The following MGAT4C variants were observed in gnomAD, a reference collection of about 807,000 sequenced individuals.
MGAT4C encodes alpha-1,3-mannosyl-glycoprotein 4-beta-N-acetylglucosaminyltransferase C.
A neutral mutation model predicts 40.1 loss-of-function variants in MGAT4C; 19 were observed. The ratio of observed to expected loss-of-function variants is 0.47; its 90% CI spans 0.33 to 0.70. The LOEUF is 0.70. Ranked by LOEUF, MGAT4C falls within the 30% of genes least tolerant of loss-of-function variation. The pLI is 0.02. For missense variants in MGAT4C, 491 were observed against 563.2 expected, an observed-to-expected ratio of 0.87 and a Z score of 1.30; for synonymous variants, 181 against 187.1, an observed-to-expected ratio of 0.97 and a Z score of 0.27.
rs1421286097 is a variant in MGAT4C, at chr12:86,756,892, G to GA, written c.-261-29652dup. ...TAAGCAGCAGCTAGGTTTCCAATGGGAAAAAACATTACTTTGCTTCAAATG... is the reference window on the plus strand; with the variant it reads ...TAAGCAGCAGCTAGGTTTCCAATGGGAAAAAAACATTACTTTGCTTCAAATG... On this transcript the variant is annotated intron_variant, in intron 1 of 7. Transcript: ENST00000548651. Among the ~76,000 whole-genome samples, 4 of 152,102 alleles carry GA rather than the reference G, an allele frequency of 2.6e-5. No individual in the cohort carries two copies. In the East Asian group the frequency reaches 5.8e-4, roughly 22 times the overall value.
chr12:86,391,573 T>A (rs1020538215), intron 3 of MGAT4C, among the ~76,000 whole-genome samples: 1 of 152,046 alleles, frequency 6.6e-6, no homozygotes, highest in Non-Finnish European at 1.5e-5. Context: ...AAAGTTGGCA[T>A]TTAGGCCAGG....
At chr12:86,534,180 C>G (rs979874232) in intron 2 of MGAT4C, among the ~76,000 whole-genome samples, 1 of 152,048 alleles carries the variant, frequency 6.6e-6, no homozygotes, top group Non-Finnish European at 1.5e-5. Flanking sequence ...CTGATAAGAA[C>G]TCTGAAGCTT....
intron 2 of MGAT4C, among the ~76,000 whole-genome samples, chr12:86,573,585 T>C (rs901117533): frequency 6.6e-6 from 1 of 151,954 alleles, no homozygotes; most frequent in Non-Finnish European, 1.5e-5. Flanking sequence ...ATCACCACCA[T>C]TACCATTCTA....
At chr12:86,249,002 CTTA>C (rs940907816) in intron 1 of MGAT4C, among the ~76,000 whole-genome samples, 5 of 152,102 alleles carry the variant, frequency 3.3e-5, no homozygotes, top group East Asian at 1.9e-4. Flanking sequence ...TGACACAATG[CTTA>C]TTGTTTTCTT....
At chr12:86,300,394 A>C (rs1236158127) in intron 4 of MGAT4C, among the ~76,000 whole-genome samples, 2 of 152,150 alleles carry the variant, frequency 1.3e-5, no homozygotes, top group Non-Finnish European at 2.9e-5. Flanking sequence ...CTCCATCATC[A>C]CTTAAAGTAA....
intron 2 of MGAT4C, among the ~76,000 whole-genome samples, chr12:86,511,761 A>T (rs1459671223): frequency 6.6e-6 from 1 of 152,172 alleles, no homozygotes; most frequent in Non-Finnish European, 1.5e-5. Flanking sequence ...GATGGATTAG[A>T]TGTAAATAAA....
At chr12:86,575,700 T>C (rs1960532822) in intron 2 of MGAT4C, among the ~76,000 whole-genome samples, 1 of 151,898 alleles carries the variant, frequency 6.6e-6, no homozygotes, top group South Asian at 2.1e-4. Context: ...ATATGCTGAT[T>C]TCCTTTATTT....
intron 2 of MGAT4C, among the ~76,000 whole-genome samples, chr12:86,677,225 C>T (rs1949882805): frequency 6.6e-6 from 1 of 152,066 alleles, no homozygotes; most frequent in African/African-American, 2.4e-5. Context: ...AAAATGTTAC[C>T]TTATTTCATA....
At chr12:86,759,455 C>T (rs944610606) in intron 1 of MGAT4C, among the ~76,000 whole-genome samples, 1 of 152,056 alleles carries the variant, frequency 6.6e-6, no homozygotes, top group African/African-American at 2.4e-5. Context: ...ATCTGAGGAA[C>T]CTCCTTACTG....
intron 3 of MGAT4C, among the ~76,000 whole-genome samples, chr12:86,387,265 T>C (rs543482927): frequency 6.6e-6 from 1 of 152,224 alleles, no homozygotes; most frequent in Admixed American, 6.5e-5. Context: ...AGACAATGAT[T>C]ATGCCACTTC....
At chr12:86,251,565 A>G (rs907725628) in intron 1 of MGAT4C, among the ~76,000 whole-genome samples, 2 of 152,042 alleles carry the variant, frequency 1.3e-5, no homozygotes, top group Non-Finnish European at 2.9e-5. Context: ...CTTCAAATGG[A>G]GAAAAGTTGC....
At position 86,061,474 on chromosome 12, in the gene MGAT4C, G is replaced by GT. The variant is rs71076156; in HGVS notation, c.-56-11752dup. 6.4e-3 allele frequency among the ~76,000 whole-genome samples: 943 copies of GT among 146,348 alleles called. 6 individuals are homozygous for GT. Among genetic ancestry groups the GT allele is most frequent in the Middle Eastern group, 0.018 (5 of 284 alleles). ...AGCTAACTGCAGGAGTTTTTTTTTT[G>GT]TTTTTTTTTTTCCATGCCCCAGTGG... On this transcript the variant is annotated intron_variant, in intron 1 of 4. Transcript: ENST00000611864.
At chr12:86,540,258 T>C (rs531193370) in intron 2 of MGAT4C, among the ~76,000 whole-genome samples, 1 of 152,368 alleles carries the variant, frequency 6.6e-6, no homozygotes, top group African/African-American at 2.4e-5. Context: ...GGATGACTTA[T>C]TCTGGAGAAA....
At chr12:86,379,127 A>G (rs1383537371) in intron 3 of MGAT4C, among the ~76,000 whole-genome samples, 1 of 152,088 alleles carries the variant, frequency 6.6e-6, no homozygotes, top group African/African-American at 2.4e-5. Flanking sequence ...CAGCTTATTT[A>G]TTTTTAAAAT....
At chr12:86,605,906 A>C (rs1962026165) in intron 2 of MGAT4C, among the ~76,000 whole-genome samples, 1 of 152,170 alleles carries the variant, frequency 6.6e-6, no homozygotes, top group Admixed American at 6.6e-5. Context: ...GTTATAAAGA[A>C]CTGCCTGACA....
intron 2 of MGAT4C, among the ~76,000 whole-genome samples, chr12:86,702,147 A>C (rs1328978596): frequency 2.0e-5 from 3 of 151,920 alleles, no homozygotes; most frequent in Non-Finnish European, 2.9e-5. Flanking sequence ...TCAGTCTCTC[A>C]GTCACTCAAG....
At chr12:86,360,293 T>C (rs913652828) in intron 3 of MGAT4C, among the ~76,000 whole-genome samples, 1 of 152,200 alleles carries the variant, frequency 6.6e-6, no homozygotes, top group Non-Finnish European at 1.5e-5. Flanking sequence ...GAGCACTTCA[T>C]GCTAAAAACT....
intron 2 of MGAT4C, among the ~76,000 whole-genome samples, chr12:86,714,331 C>T (rs1169448151): frequency 4.6e-5 from 7 of 152,080 alleles, no homozygotes; most frequent in African/African-American, 1.7e-4. Context: ...CAGTATTTGA[C>T]ATGTGGTTAA....
intron 1 of MGAT4C, among the ~76,000 whole-genome samples, chr12:86,769,390 C>A (rs565191412): frequency 4.6e-4 from 70 of 152,042 alleles, no homozygotes; most frequent in South Asian, 1.5e-3. Context: ...GATGTGGAGA[C>A]ATAGGAACAC....
Sources: gnomAD v4.1 joint callset for allele counts (sites outside exome capture counted in the v4.1 genomes callset) on GRCh38, gnomAD v4.1.1 for gene constraint, MANE v1.5 for transcripts, NCBI Gene and HGNC (gene_info 2026-07-23, HGNC 2026-07-21) for gene names.